Variants in ZNF600 observed in about 807,000 individuals in gnomAD.
ZNF600 encodes the protein zinc finger protein KR-ZNF1.
A neutral mutation model predicts 7.3 loss-of-function variants in ZNF600; 4 were observed. The ratio of observed to expected loss-of-function variants is 0.55; its 90% CI spans 0.27 to 1.25. The LOEUF (loss-of-function observed/expected upper bound fraction) is 1.25, where lower values mean the gene tolerates loss of function less well. Among genes scored for constraint, ZNF600 ranks in the 50% most tolerant of loss-of-function variants. ZNF600 has a pLI of 0.12. For missense variants in ZNF600, 911 were observed against 922.1 expected, an observed-to-expected ratio of 0.99 and a Z score of 0.16; for synonymous variants, 290 against 308.9, an observed-to-expected ratio of 0.94 and a Z score of 0.64.
At chr19:52,809,879 G>A in the ZNF600 span, 5 of 730,460 alleles carry the variant, frequency 6.8e-6, no homozygotes, top group East Asian at 2.7e-5. Flanking sequence ...CGGGCGGTCC[G>A]GGATCCAGGC....
the ZNF600 span, among the ~76,000 whole-genome samples, chr19:52,794,125 A>T: frequency 1.3e-5 from 2 of 151,956 alleles, no homozygotes; most frequent in Non-Finnish European, 2.9e-5. Context: ...AGAGGCCTGC[A>T]GGGGACATGG....
chr19:52,766,001 C>T lies in ZNF600; in HGVS notation c.1962G>A (p.Thr654=), dbSNP rs150267340. 5.7e-4 allele frequency: 916 copies of T among 1,613,950 alleles called. 1 individual carries two copies. In the African/African-American group the frequency reaches 0.01, roughly 18 times the overall value. Residue 654 remains threonine (T), a synonymous_variant, in exon 4 of 4, where the codon ACG becomes ACA. Coordinates refer to ENST00000648973, the Ensembl canonical transcript of ZNF600. ...TACGCACGAAAGCCTTGTCACAAAC[C>T]GTACATTTGTAAGATTTCTCTCCAG...
At chr19:52,783,046 T>C (rs12979304) in intron 1 of ZNF600, among the ~76,000 whole-genome samples, 29,644 of 113,770 alleles carry the variant, frequency 0.26, 6,300 homozygotes, top group Non-Finnish European at 0.43. Flanking sequence ...CTTCTCTCCC[T>C]CACTCCCCAC....
At chr19:52,787,493 G>A (rs1269507927), upstream of ZNF600, among the ~76,000 whole-genome samples, 5 of 137,840 alleles carry the variant, frequency 3.6e-5, no homozygotes, top group Non-Finnish European at 4.6e-5. Flanking sequence ...TGCAAGCTCC[G>A]CCTCCCGGGT....
chr19:52,812,141 TG>T, the ZNF600 span, among the ~76,000 whole-genome samples: 8 of 112,656 alleles, frequency 7.1e-5, 3 homozygotes, highest in African/African-American at 3.7e-4. Context: ...GGGAGGGTGG[TG>T]GGGGGGTCAG....
At chr19:52,816,928 A>G in the ZNF600 span, among the ~76,000 whole-genome samples, 3 of 151,498 alleles carry the variant, frequency 2.0e-5, no homozygotes, top group Admixed American at 6.6e-5. Flanking sequence ...GTACTCTCCA[A>G]TATTAGAGAA....
At chr19:52,824,507 C>T in the ZNF600 span, among the ~76,000 whole-genome samples, 12,813 of 151,966 alleles carry the variant, frequency 0.084, 708 homozygotes, top group East Asian at 0.22. Context: ...TGGTGGTGCG[C>T]GCCTGTAGTC....
chr19:52,783,125 G>A (rs922895705), intron 1 of ZNF600, among the ~76,000 whole-genome samples: 4 of 150,750 alleles, frequency 2.7e-5, no homozygotes, highest in African/African-American at 7.3e-5. Context: ...TGGCTGAAGA[G>A]GGGTTGCAGA....
the ZNF600 span, among the ~76,000 whole-genome samples, chr19:52,823,306 C>CG: frequency 6.6e-6 from 1 of 152,066 alleles, no homozygotes; most frequent in African/African-American, 2.4e-5. Flanking sequence ...CTCCATCTCC[C>CG]GGGTTCAAGC....
exon 4 of ZNF600, chr19:52,765,874 G>T (rs1282802080): frequency 2.5e-6 from 4 of 1,613,888 alleles, no homozygotes; most frequent in Non-Finnish European, 3.4e-6. Context: ...ATTCTATGAT[G>T]AAGTGAAAGT....
chr19:52,787,721 G>T (rs761187484), upstream of ZNF600, among the ~76,000 whole-genome samples: 1 of 150,660 alleles, frequency 6.6e-6, no homozygotes, highest in Non-Finnish European at 1.5e-5. Context: ...TTAGCCAAGC[G>T]TGGTGGTGGG....
At chr19:52,771,000 A>G (rs1258044384) in intron 3 of ZNF600, among the ~76,000 whole-genome samples, 1 of 151,888 alleles carries the variant, frequency 6.6e-6, no homozygotes, top group Non-Finnish European at 1.5e-5. Context: ...TGCCTGGCTC[A>G]TTTTGTATTT....
chr19:52,826,879 C>T, the ZNF600 span, among the ~76,000 whole-genome samples: 1 of 151,934 alleles, frequency 6.6e-6, no homozygotes, highest in African/African-American at 2.4e-5. Flanking sequence ...ACTCCATTCT[C>T]ACCCACCTAA....
At chr19:52,800,259 C>T in the ZNF600 span, 1 of 1,613,316 alleles carries the variant, frequency 6.2e-7, no homozygotes, top group African/African-American at 1.3e-5. Context: ...AAAAACCTTG[C>T]CACATTCATT....
At chr19:52,800,012 C>T in the ZNF600 span, 2 of 1,614,034 alleles carry the variant, frequency 1.2e-6, no homozygotes, top group Non-Finnish European at 1.7e-6. Flanking sequence ...TCTTGCCACA[C>T]TCATTACACT....
chr19:52,775,909 G>A (rs1277503875), intron 2 of ZNF600, among the ~76,000 whole-genome samples: 3 of 152,060 alleles, frequency 2.0e-5, no homozygotes, highest in Non-Finnish European at 4.4e-5. Flanking sequence ...GGGAGGCTGA[G>A]GCTGGAGAAT....
the ZNF600 span, among the ~76,000 whole-genome samples, chr19:52,824,607 C>T: frequency 2.0e-5 from 3 of 151,978 alleles, no homozygotes; most frequent in Non-Finnish European, 4.4e-5. Flanking sequence ...TGCACTCCAG[C>T]CTGGGTGACA....
Position 52,766,899 on chromosome 19 carries a change from TGCTGATTAAAA to T in ZNF600, c.1053_1063del (p.Phe352IlefsTer8). 6.2e-7 allele frequency: 1 copy of T among 1,614,208 alleles called. No homozygotes were observed. Among genetic ancestry groups the T allele is most frequent in the Non-Finnish European group, 8.5e-7 (1 of 1,180,038 alleles). On this transcript the variant is annotated frameshift_variant, in exon 4 of 4. Transcript: ENST00000648973. LOFTEE classifies it low-confidence loss of function (END_TRUNC). ...TCTACGATGACGTGCAAGGTTTGAT[TGCTGATTAAAA>T]GCTTTGTCACATTCATTACACTTGT...
chr19:52,804,345 G>C, the ZNF600 span, among the ~76,000 whole-genome samples: 1 of 152,052 alleles, frequency 6.6e-6, no homozygotes, highest in Admixed American at 6.6e-5. Context: ...ACCCAGGCTG[G>C]AGTGTAGTGG....
Sources: allele counts gnomAD v4.1 joint callset (sites outside exome capture counted in the v4.1 genomes callset), GRCh38; gene constraint gnomAD v4.1.1; transcripts MANE v1.5; gene names NCBI Gene and HGNC (gene_info 2026-07-23, HGNC 2026-07-21).